The following LINGO2 variants were observed in gnomAD, a reference collection of about 807,000 sequenced individuals.
The protein encoded by LINGO2 is leucine rich repeat and Ig domain containing 2, also known as leucine-rich repeat and immunoglobulin-like domain-containing nogo receptor-interacting protein 2.
In LINGO2, 14 loss-of-function variants were observed where a neutral mutation model predicts 30.6. That is an observed-to-expected ratio of 0.46 (90% confidence interval 0.30 to 0.72). The LOEUF is 0.72. Among genes scored for constraint, LINGO2 ranks in the 30% least tolerant of loss-of-function variants. LINGO2 has a pLI of 0.07. For missense variants in LINGO2, 729 were observed against 751.7 expected (o/e 0.97, Z 0.35); for synonymous variants, 317 against 288.5 (o/e 1.10, Z -1.00).
intron 1 of LINGO2, among the ~76,000 whole-genome samples, chr9:28,533,135 A>T (rs1170493141): frequency 6.6e-6 from 1 of 152,038 alleles, no homozygotes; most frequent in African/African-American, 2.4e-5. Flanking sequence ...GGCAAGCAGA[A>T]AAAGGTGGAA....
intron 4 of LINGO2, among the ~76,000 whole-genome samples, chr9:28,048,520 GAAA>G (rs1360621421): frequency 6.6e-6 from 1 of 150,728 alleles, no homozygotes; most frequent in African/African-American, 2.5e-5. Context: ...CATTGCCAGT[GAAA>G]GTAAGGAATC....
intron 1 of LINGO2, among the ~76,000 whole-genome samples, chr9:28,626,141 C>A (rs1235589337): frequency 6.6e-6 from 1 of 152,122 alleles, no homozygotes; most frequent in Non-Finnish European, 1.5e-5. Context: ...TTTTATCTCA[C>A]TGTCTTTAAC....
chr9:28,016,196 C>A (rs1822827680), intron 4 of LINGO2, among the ~76,000 whole-genome samples: 1 of 152,084 alleles, frequency 6.6e-6, no homozygotes, highest in Non-Finnish European at 1.5e-5. Flanking sequence ...GCTTTAGGTT[C>A]CAAATGGGAC....
chr9:29,078,885 G>A, the LINGO2 span, among the ~76,000 whole-genome samples: 3 of 151,760 alleles, frequency 2.0e-5, no homozygotes, highest in Non-Finnish European at 4.4e-5. Flanking sequence ...GATCAAGGCT[G>A]AATTTTTTTT....
In LINGO2 at chr9:28,172,505, A is replaced by G. The variant is rs1587136466; in HGVS notation, c.-87+122703T>C. Among the ~76,000 whole-genome samples the G allele has an allele frequency of 2.6e-5, 4 of 152,366 alleles. No individual in the cohort carries two copies. The South Asian group carries it at 8.3e-4, about 32-fold the overall frequency. On this transcript the variant is annotated intron_variant, in intron 4 of 5. Coordinates refer to ENST00000379992, the Ensembl canonical transcript of LINGO2. ...GAAAATATCGTTATTGTCATTTTAA[A>G]CATCTCAAAACTAGGGTAATCTTGA...
chr9:27,999,245 G>A (rs147968514), intron 5 of LINGO2, among the ~76,000 whole-genome samples: 10 of 152,018 alleles, frequency 6.6e-5, no homozygotes, highest in Non-Finnish European at 1.5e-4. Context: ...GAGAAGCCAA[G>A]AGGGTTTAGG....
intron 4 of LINGO2, among the ~76,000 whole-genome samples, chr9:28,231,791 A>C (rs1821365307): frequency 6.6e-6 from 1 of 152,096 alleles, no homozygotes. Flanking sequence ...CCATCAACAC[A>C]CTCAGTTTCA....
At chr9:28,055,219 C>T (rs765243683) in intron 4 of LINGO2, among the ~76,000 whole-genome samples, 33 of 152,076 alleles carry the variant, frequency 2.2e-4, no homozygotes, top group Non-Finnish European at 4.0e-4. Flanking sequence ...TTCTTATGAA[C>T]GTGAAAATAA....
the LINGO2 span, among the ~76,000 whole-genome samples, chr9:29,167,269 G>A: frequency 6.6e-6 from 1 of 152,134 alleles, no homozygotes; most frequent in East Asian, 1.9e-4. Context: ...ATAAGTATCT[G>A]TGAAAAGAAT....
chr9:28,624,671 G>A (rs1238290627), intron 1 of LINGO2, among the ~76,000 whole-genome samples: 3 of 151,252 alleles, frequency 2.0e-5, no homozygotes, highest in Non-Finnish European at 2.9e-5. Context: ...TGGTATCAGG[G>A]TAGTATTGGC....
chr9:28,036,496 A>C (rs1007787149), intron 4 of LINGO2, among the ~76,000 whole-genome samples: 1 of 152,176 alleles, frequency 6.6e-6, no homozygotes, highest in Non-Finnish European at 1.5e-5. Flanking sequence ...CCTATGACTG[A>C]GGGTATTTAT....
chr9:28,907,349 T>C, the LINGO2 span, among the ~76,000 whole-genome samples: 11 of 151,884 alleles, frequency 7.2e-5, no homozygotes, highest in Non-Finnish European at 1.5e-4. Context: ...GCTATTCACA[T>C]AGTGGAAAGT....
intron 1 of LINGO2, among the ~76,000 whole-genome samples, chr9:28,622,268 A>T (rs2118633): frequency 0.14 from 21,704 of 151,784 alleles, 1,687 homozygotes; most frequent in East Asian, 0.22. Flanking sequence ...CTAATTTTTG[A>T]ACCTATTAAC....
chr9:28,427,743 A>G (rs1823472066), intron 2 of LINGO2, among the ~76,000 whole-genome samples: 1 of 152,130 alleles, frequency 6.6e-6, no homozygotes, highest in African/African-American at 2.4e-5. Context: ...TTCCAAAGGT[A>G]TTCCTTTGTG....
At chr9:28,191,736 C>A (rs1182239025) in intron 4 of LINGO2, among the ~76,000 whole-genome samples, 1 of 152,092 alleles carries the variant, frequency 6.6e-6, no homozygotes, top group Non-Finnish European at 1.5e-5. Context: ...TCTTCCTTGA[C>A]CTCTCAGCAG....
chr9:28,983,318 CAAAA>C, the LINGO2 span, among the ~76,000 whole-genome samples: 2 of 130,978 alleles, frequency 1.5e-5, no homozygotes, highest in Non-Finnish European at 3.3e-5. Flanking sequence ...ATGAGGTATC[CAAAA>C]AAAAAAAAAA....
At chr9:28,280,525 T>A (rs933454551) in intron 4 of LINGO2, among the ~76,000 whole-genome samples, 1 of 152,192 alleles carries the variant, frequency 6.6e-6, no homozygotes, top group African/African-American at 2.4e-5. Flanking sequence ...AAGATCATCT[T>A]TGTGTGATTT....
intron 4 of LINGO2, among the ~76,000 whole-genome samples, chr9:28,199,847 A>C (rs17771757): frequency 0.054 from 8,280 of 152,252 alleles, 300 homozygotes; most frequent in South Asian, 0.12. Flanking sequence ...ATAATTCTTC[A>C]AAAACAATAT....
At chr9:27,963,738 TAA>T (rs200590304) in intron 5 of LINGO2, among the ~76,000 whole-genome samples, 54 of 120,682 alleles carry the variant, frequency 4.5e-4, no homozygotes, top group Non-Finnish European at 4.9e-4. Context: ...GAGGTAAGGG[TAA>T]AAAAAAAAAA....
Sources: gnomAD v4.1 joint callset for allele counts (sites outside exome capture counted in the v4.1 genomes callset) on GRCh38, gnomAD v4.1.1 for gene constraint, MANE v1.5 for transcripts, NCBI Gene and HGNC (gene_info 2026-07-23, HGNC 2026-07-21) for gene names.